Variants in PTPN14 observed in about 807,000 individuals in gnomAD.
PTPN14 encodes the protein tyrosine-protein phosphatase non-receptor type 14.
A neutral mutation model predicts 126.8 loss-of-function variants in PTPN14; 53 were observed. The observed-to-expected ratio is 0.42, with a 90% confidence interval of 0.34 to 0.53. The LOEUF is 0.53. Ranked by LOEUF, PTPN14 falls within the 20% of genes least tolerant of loss-of-function variation. PTPN14 has a pLI of 0.08. For missense variants in PTPN14, 1,257 were observed against 1,552.9 expected (o/e 0.81, Z 3.20); for synonymous variants, 630 against 599.3 (o/e 1.05, Z -0.75).
intron 1 of PTPN14, among the ~76,000 whole-genome samples, chr1:214,467,482 T>G (rs1258732160): frequency 6.6e-6 from 1 of 152,216 alleles, no homozygotes; most frequent in Admixed American, 6.5e-5. Flanking sequence ...CTACATATTC[T>G]ATGGGATATC....
Position 214,352,868 on chromosome 1 carries a change from C to G in PTPN14, c.*5054G>C, listed in dbSNP as rs1657731435. 1 of 152,174 alleles carries G rather than the reference C, an allele frequency of 6.6e-6. No homozygotes were observed. Among genetic ancestry groups the G allele is most frequent in the Admixed American group, 6.5e-5 (1 of 15,280 alleles). The allele number at this position is 152,174 out of a possible 1,614,324, so 9.4% of individuals were successfully genotyped here. On this transcript the variant is annotated 3_prime_UTR_variant, in exon 19 of 19. Transcript: ENST00000366956. The stretch of plus-strand genomic sequence containing the variant: ...AAACCATTGGCAATATAATAAAACA[C>G]AGCAGCAGAATAATTGTTGGTAAAA...
chr1:214,405,772 G>A (rs1316853708), intron 5 of PTPN14, among the ~76,000 whole-genome samples: 2 of 152,164 alleles, frequency 1.3e-5, no homozygotes, highest in Non-Finnish European at 1.5e-5. Context: ...CTTGTATTAT[G>A]TATTTCATAC....
At chr1:214,387,696 G>C (rs1339477361) in intron 11 of PTPN14, among the ~76,000 whole-genome samples, 1 of 147,780 alleles carries the variant, frequency 6.8e-6, no homozygotes, top group African/African-American at 2.5e-5. Flanking sequence ...AAAAAAGAAA[G>C]AAAGAAAGAA....
intron 3 of PTPN14, among the ~76,000 whole-genome samples, chr1:214,419,580 A>G (rs1361800962): frequency 6.6e-6 from 1 of 152,192 alleles, no homozygotes; most frequent in African/African-American, 2.4e-5. Context: ...GCTAGAATGT[A>G]CTGGAACCCA....
At chr1:214,379,674 T>C (rs1421014768) in intron 13 of PTPN14, among the ~76,000 whole-genome samples, 2 of 152,248 alleles carry the variant, frequency 1.3e-5, no homozygotes, top group African/African-American at 2.4e-5. Flanking sequence ...GCATATCTGA[T>C]TGCCTCCTTT....
intron 18 of PTPN14, among the ~76,000 whole-genome samples, chr1:214,363,220 G>A (rs190400235): frequency 4.6e-5 from 7 of 152,342 alleles, no homozygotes. Context: ...CTACAGTTGG[G>A]ATTGCCCCTT....
chr1:214,426,032 C>CAAAAAAAAAAAAAAA (rs66656875), intron 3 of PTPN14, among the ~76,000 whole-genome samples: 1 of 33,868 alleles, frequency 3.0e-5, no homozygotes, highest in African/African-American at 1.2e-4. Context: ...GCATAAATCG[C>CAAAAAAAAAAAAAAA]AAAAAAAAAA....
chr1:214,431,906 C>G (rs937291306), intron 3 of PTPN14, among the ~76,000 whole-genome samples: 1 of 152,144 alleles, frequency 6.6e-6, no homozygotes, highest in African/African-American at 2.4e-5. Context: ...ATCAGCCAAG[C>G]GCAGTGGCTC....
At chr1:214,417,259 A>G (rs961946658) in intron 3 of PTPN14, among the ~76,000 whole-genome samples, 2 of 152,170 alleles carry the variant, frequency 1.3e-5, no homozygotes, top group Non-Finnish European at 2.9e-5. Context: ...AAAATTTTGT[A>G]TTTTCAAATT....
At chr1:214,373,389 C>A (rs1203031426) in intron 15 of PTPN14, among the ~76,000 whole-genome samples, 1 of 152,166 alleles carries the variant, frequency 6.6e-6, no homozygotes, top group Non-Finnish European at 1.5e-5. Flanking sequence ...ACAGTATATG[C>A]AAACTAGTGC....
intron 5 of PTPN14, among the ~76,000 whole-genome samples, chr1:214,411,053 A>C (rs1659297511): frequency 6.6e-6 from 1 of 152,190 alleles, no homozygotes; most frequent in South Asian, 2.1e-4. Flanking sequence ...CATTTTAACA[A>C]TATTGATTCT....
At chr1:214,519,082 AACATG>A (rs1429524529) in intron 1 of PTPN14, among the ~76,000 whole-genome samples, 31 of 152,286 alleles carry the variant, frequency 2.0e-4, no homozygotes, top group African/African-American at 7.0e-4. Context: ...CAGCCTGGCC[AACATG>A]GTGAAACCCC....
chr1:214,416,795 G>A (rs920636754), intron 3 of PTPN14, among the ~76,000 whole-genome samples: 3 of 152,150 alleles, frequency 2.0e-5, no homozygotes, highest in Non-Finnish European at 2.9e-5. Context: ...GTACAATTTT[G>A]CACAAAAGGC....
Position 214,357,880 on chromosome 1 carries a change from C to T in PTPN14, c.*42G>A, listed in dbSNP as rs369506367. The T allele has an allele frequency of 2.5e-4, 396 of 1,591,556 alleles. No individual in the cohort carries two copies. Among genetic ancestry groups the T allele is most frequent in the Non-Finnish European group, 3.2e-4 (372 of 1,162,384 alleles). The stretch of plus-strand genomic sequence containing the variant: ...GTCTGGAGGTGACTCTCCTCCAGCG[C>T]GATGGAGCTGGGTCCCTCCTCCAGG... On this transcript the variant is annotated 3_prime_UTR_variant, in exon 19 of 19. Transcript: ENST00000366956.
Position 214,383,398 on chromosome 1 carries a change from C to A in PTPN14, c.2457G>T (p.Arg819=), listed in dbSNP as rs761462154. 3 of 1,614,186 alleles carry A rather than the reference C, an allele frequency of 1.9e-6. No individual in the cohort carries two copies. The highest frequency in any genetic ancestry group is 2.5e-6 in the Non-Finnish European group (3 of 1,180,026). Residue 819 remains arginine, a synonymous_variant, in exon 13 of 19, where the codon CGG becomes CGT. Coordinates refer to ENST00000366956, the MANE Select transcript of PTPN14 (RefSeq NM_005401.5). This position sits in a 1 kb window ranked among gnomAD's most constrained non-coding sequence, Gnocchi z 4.4. Reference sequence around the variant, plus strand: ...TCTCCTTCACAGGCTCTTTTTTGACCCGCTCCTTCACACTAGTCAGGTCGG... The same window carrying A: ...TCTCCTTCACAGGCTCTTTTTTGACACGCTCCTTCACACTAGTCAGGTCGG... ...SEPDLTSVKE[R]VKKEPVKERP...
chr1:214,437,082 T>C (rs1327924890), intron 3 of PTPN14, among the ~76,000 whole-genome samples: 1 of 151,978 alleles, frequency 6.6e-6, no homozygotes, highest in Non-Finnish European at 1.5e-5. Flanking sequence ...CATGAACCAG[T>C]GCCAGAAATA....
At chr1:214,434,564 A>G (rs980184218) in intron 3 of PTPN14, among the ~76,000 whole-genome samples, 1 of 152,240 alleles carries the variant, frequency 6.6e-6, no homozygotes, top group Non-Finnish European at 1.5e-5. Context: ...TTAAATAGTA[A>G]TTAGGAAGTA....
At chr1:214,421,617 A>G (rs908238457) in intron 3 of PTPN14, among the ~76,000 whole-genome samples, 1 of 152,204 alleles carries the variant, frequency 6.6e-6, no homozygotes, top group African/African-American at 2.4e-5. Flanking sequence ...AAAACACCCA[A>G]TGATCCTAAT....
chr1:214,384,143 G>T lies in PTPN14; in HGVS notation c.1712C>A (p.Pro571Gln), dbSNP rs757838276. ...GGTGCTGGTGGCAGGTCGTGGCCGT[G>T]GGTAGGGGGGCGGTGGCCTGAAGAG... ...NYLFRPPPPY[P>Q]RPRPATSTPD... is the part of the protein sequence containing the mutation. The change falls in exon 13 of 19, where the codon CCA becomes CAA. Residue 571 changes from proline (P) to glutamine (Q), a missense_variant. By Grantham distance (76) the Pro-to-Gln change is moderately conservative. Around this residue, in one of 3 missense-constraint regions of PTPN14, gnomAD observed 1,021 missense variants for 1,183.3 expected, o/e 0.86. Transcript: ENST00000366956. The surrounding 1 kb of genome is among the most constrained non-coding windows in gnomAD (Gnocchi z 5.3). The T allele has an allele frequency of 3.2e-5, 50 of 1,577,530 alleles. No individual in the cohort carries two copies. The Middle Eastern group carries it at 6.8e-4, about 21-fold the overall frequency.
Sources: gnomAD v4.1 joint callset for allele counts (sites outside exome capture counted in the v4.1 genomes callset) on GRCh38, gnomAD v4.1.1 for gene constraint, gnomAD v4.1.1 regional missense constraint, Gnocchi (gnomAD v3.1) non-coding constraint, MANE v1.5 for transcripts, NCBI Gene and HGNC (gene_info 2026-07-23, HGNC 2026-07-21) for gene names.